Variants in MCF2L2 observed in about 807,000 individuals in gnomAD.
MCF2L2 encodes the protein MCF.2 cell line derived transforming sequence-like 2.
A neutral mutation model predicts 150.2 loss-of-function variants in MCF2L2; 102 were observed. The observed-to-expected ratio is 0.68, with a 90% CI of 0.58 to 0.80. The LOEUF is 0.80. Ranked by LOEUF, MCF2L2 falls within the 30% of genes least tolerant of loss-of-function variation. MCF2L2 has a pLI of 0.00. For synonymous variants in MCF2L2, 465 were observed against 491.3 expected, an observed-to-expected ratio of 0.95 and a Z score of 0.71; for missense variants, 1,256 against 1,372.8, an observed-to-expected ratio of 0.91 and a Z score of 1.34.
intron 15 of MCF2L2, among the ~76,000 whole-genome samples, chr3:183,239,403 A>T (rs1477740557): frequency 6.6e-6 from 1 of 151,884 alleles, no homozygotes; most frequent in Non-Finnish European, 1.5e-5. Flanking sequence ...TCTACATGAC[A>T]CCTCATGCTT....
At chr3:183,251,933 A>G (rs1187309024) in intron 15 of MCF2L2, among the ~76,000 whole-genome samples, 1 of 149,708 alleles carries the variant, frequency 6.7e-6, no homozygotes, top group East Asian at 2.0e-4. Flanking sequence ...ACCACCAAAA[A>G]ACTTGCATCG....
chr3:183,406,168 T>C (rs1715029062), intron 1 of MCF2L2, among the ~76,000 whole-genome samples: 1 of 152,192 alleles, frequency 6.6e-6, no homozygotes, highest in African/African-American at 2.4e-5. Flanking sequence ...CTGCCAACTG[T>C]TTTCCAACAT....
Position 183,195,203 on chromosome 3 carries a change from T to TA in MCF2L2, c.2918+18dup, listed in dbSNP as rs554139322. The TA allele has an allele frequency of 1.3e-6, 2 of 1,585,864 alleles. No individual in the cohort carries two copies. The highest frequency in any genetic ancestry group is 2.7e-5 in the African/African-American group (2 of 73,178). On this transcript the variant is annotated intron_variant, in intron 26 of 29. Coordinates refer to ENST00000328913, the MANE Select transcript of MCF2L2 (RefSeq NM_015078.4). ...CAAAGCATTTGACATGCCTTTAAAA[T>TA]AAAAAAATCAGTACTCACCTCGTGC...
intron 1 of MCF2L2, among the ~76,000 whole-genome samples, chr3:183,401,429 T>A (rs73184970): frequency 0.046 from 6,991 of 151,886 alleles, 218 homozygotes; most frequent in African/African-American, 0.087. Context: ...AAAAAAAAAA[T>A]TTTTTTAAAG....
At chr3:183,405,224 T>C (rs745818692) in intron 1 of MCF2L2, among the ~76,000 whole-genome samples, 4 of 152,200 alleles carry the variant, frequency 2.6e-5, no homozygotes, top group Non-Finnish European at 5.9e-5. Flanking sequence ...GGTAACTGAT[T>C]ATTATTAGAA....
intron 7 of MCF2L2, among the ~76,000 whole-genome samples, chr3:183,313,934 G>A (rs991803766): frequency 1.1e-4 from 16 of 152,314 alleles, no homozygotes; most frequent in Non-Finnish European, 1.5e-4. Context: ...TGGAGGTGCC[G>A]TTGTGCGTGT....
Position 183,428,068 on chromosome 3 carries a change from G to T in MCF2L2, c.-91C>A, listed in dbSNP as rs1271561217. 3 of 966,872 alleles carry T rather than the reference G, an allele frequency of 3.1e-6. No homozygotes were observed. The highest frequency in any genetic ancestry group is 3.2e-5 in the African/African-American group (2 of 62,588). The allele number at this position is 966,872 out of a possible 1,614,324, so 59.9% of individuals were successfully genotyped here. ...ATTTTTTAAAGGCATCTCCGCCCAA[G>T]GATGCTCTGCCCTCGCCCTCTTCCT... On this transcript the variant is annotated 5_prime_UTR_variant, in exon 1 of 30. Coordinates refer to ENST00000328913, the MANE Select transcript of MCF2L2 (RefSeq NM_015078.4). This position sits in a 1 kb window ranked among gnomAD's most constrained non-coding sequence, Gnocchi z 5.1.
At chr3:183,245,478 T>C (rs930199893) in intron 15 of MCF2L2, among the ~76,000 whole-genome samples, 1 of 151,978 alleles carries the variant, frequency 6.6e-6, no homozygotes, top group African/African-American at 2.4e-5. Context: ...AGGAGATGGT[T>C]GTCATGCCAG....
At chr3:183,232,031 G>T (rs181341108) in intron 15 of MCF2L2, among the ~76,000 whole-genome samples, 49 of 152,286 alleles carry the variant, frequency 3.2e-4, no homozygotes, top group East Asian at 5.8e-4. Context: ...TCATTTGATA[G>T]GTAATCCAGT....
chr3:183,205,960 A>G lies in MCF2L2; in HGVS notation c.2806-6T>C. On this transcript the variant is annotated splice_polypyrimidine_tract_variant and splice_region_variant and intron_variant, in intron 24 of 29. Coordinates refer to ENST00000328913, the MANE Select transcript of MCF2L2 (RefSeq NM_015078.4). ...CTGATTTCTTTTGAAGCTGCCTGCA[A>G]TCACACATAAGAAAACACTATAAGA... The G allele has an allele frequency of 1.9e-6, 3 of 1,612,680 alleles. No homozygotes were observed. The highest frequency in any genetic ancestry group is 1.1e-5 in the South Asian group (1 of 91,058).
chr3:183,179,632 G>C lies in MCF2L2; in HGVS notation c.3166C>G (p.Leu1056Val). 1 of 1,614,160 alleles carries C rather than the reference G, an allele frequency of 6.2e-7. No homozygotes were observed. The highest frequency in any genetic ancestry group is 8.5e-7 in the Non-Finnish European group (1 of 1,180,004). Reference protein sequence around the residue: ...HETCSSKSAFLERGESSQGEK... With the variant: ...HETCSSKSAFVERGESSQGEK... Reference sequence around the variant, plus strand: ...CCCTGGCTGCTTTCTCCCCTCTCCAGGAAAGCAGATTTGGAGGAACAGGTT... The same window carrying C: ...CCCTGGCTGCTTTCTCCCCTCTCCACGAAAGCAGATTTGGAGGAACAGGTT... The change falls in exon 29 of 30, where the codon CTG becomes GTG. Residue 1056 changes from leucine to valine, a missense_variant. Transcript: ENST00000328913. The surrounding 1 kb of genome is among the most constrained non-coding windows in gnomAD (Gnocchi z 4.2).
intron 5 of MCF2L2, among the ~76,000 whole-genome samples, chr3:183,334,166 T>C (rs1377485283): frequency 6.6e-6 from 1 of 152,108 alleles, no homozygotes; most frequent in Non-Finnish European, 1.5e-5. Context: ...TACAGTAAAA[T>C]ACCAACTTCT....
chr3:183,406,113 G>A (rs554253444), intron 1 of MCF2L2, among the ~76,000 whole-genome samples: 8 of 152,268 alleles, frequency 5.3e-5, no homozygotes, highest in East Asian at 1.9e-4. Context: ...CTTGGGTTGC[G>A]ATTACTGAGT....
At chr3:183,274,728 A>G (rs1374829366) in intron 15 of MCF2L2, among the ~76,000 whole-genome samples, 1 of 152,198 alleles carries the variant, frequency 6.6e-6, no homozygotes, top group African/African-American at 2.4e-5. Context: ...TTGATATGCA[A>G]GGTTATTCAT....
intron 1 of MCF2L2, among the ~76,000 whole-genome samples, chr3:183,402,451 CAAAAAA>C (rs779201489): frequency 3.5e-4 from 19 of 54,774 alleles, no homozygotes; most frequent in Admixed American, 1.1e-3. Context: ...GAGACTCCAT[CAAAAAA>C]AAAAAAAAAA....
At chr3:183,310,516 CGGGTGTGAT>C (rs1341365450) in intron 9 of MCF2L2, 1 of 262,472 alleles carries the variant, frequency 3.8e-6, no homozygotes, top group Non-Finnish European at 7.6e-6. Context: ...AAAAAATTAC[CGGGTGTGAT>C]GGTGGGGCAT....
chr3:183,408,432 C>T (rs1033803420), intron 1 of MCF2L2, among the ~76,000 whole-genome samples: 10 of 152,204 alleles, frequency 6.6e-5, no homozygotes, highest in Non-Finnish European at 1.5e-4. Context: ...TGAGGAGCTG[C>T]GCAGGATGCT....
In MCF2L2 at chr3:183,267,498, T is replaced by C. The variant is rs979214126; in HGVS notation, c.1862+9374A>G. Among the ~76,000 whole-genome samples the C allele has an allele frequency of 5.9e-5, 9 of 152,142 alleles. No individual in the cohort carries two copies. The highest frequency in any genetic ancestry group is 1.9e-4 in the African/African-American group (8 of 41,430). Reference sequence around the variant, plus strand: ...GGCCCATTCTGCAGGGCACTCAGTGTGTACAGTTGGTTTTCTATCAGGGGT... The same window carrying C: ...GGCCCATTCTGCAGGGCACTCAGTGCGTACAGTTGGTTTTCTATCAGGGGT... On this transcript the variant is annotated intron_variant, in intron 15 of 29. Transcript: ENST00000328913. The surrounding 1 kb of genome is among the most constrained non-coding windows in gnomAD (Gnocchi z 5.5).
At position 183,224,134 on chromosome 3, in the gene MCF2L2, T is replaced by A. The variant is rs1389167702; in HGVS notation, c.2172A>T (p.Ala724=). The part of the protein sequence containing the change: ...KYHKNLPRAR[A]IWQECQDCAY... The stretch of plus-strand genomic sequence containing the variant: ...CGCAGTCTTGACACTCTTGCCAGAT[T>A]GCCCTAGCTCGGGGCAGATTCTTAT... The change falls in exon 19 of 30, where the codon GCA becomes GCT. Residue 724 remains alanine (A), a synonymous_variant. Transcript: ENST00000328913. 1 of 1,614,134 alleles carries A rather than the reference T, an allele frequency of 6.2e-7. No homozygotes were observed. Among genetic ancestry groups the A allele is most frequent in the East Asian group, 2.2e-5 (1 of 44,882 alleles).
Sources: gnomAD v4.1 joint callset for allele counts (sites outside exome capture counted in the v4.1 genomes callset) on GRCh38, gnomAD v4.1.1 for gene constraint, Gnocchi (gnomAD v3.1) non-coding constraint, MANE v1.5 for transcripts, NCBI Gene and HGNC (gene_info 2026-07-23, HGNC 2026-07-21) for gene names.